SLC2A14: variants seen among roughly 807,000 people sequenced by gnomAD.
SLC2A14 encodes solute carrier family 2, facilitated glucose transporter member 14.
SLC2A14 carries 13 observed loss-of-function variants against 43.0 expected under a neutral mutation model. The observed-to-expected ratio is 0.30, with a 90% CI of 0.20 to 0.48. The LOEUF (loss-of-function observed/expected upper bound fraction) is 0.48. SLC2A14 is among the 20% of genes least tolerant of loss of function. The pLI is 0.99. For missense variants in SLC2A14, 428 were observed against 620.4 expected, an observed-to-expected ratio of 0.69 and a Z score of 3.29; for synonymous variants, 190 against 233.8, an observed-to-expected ratio of 0.81 and a Z score of 1.71.
At chr12:7,839,367 C>T (rs1439643406) in intron 2 of SLC2A14, among the ~76,000 whole-genome samples, 15 of 151,484 alleles carry the variant, frequency 9.9e-5, no homozygotes, top group Admixed American at 5.3e-4. Context: ...AAGGAGGACT[C>T]GTGCTTGGCA....
chr12:7,837,143 G>C (rs749914412), intron 2 of SLC2A14, among the ~76,000 whole-genome samples: 2 of 151,446 alleles, frequency 1.3e-5, no homozygotes, highest in Non-Finnish European at 2.9e-5. Context: ...CTCCACCCTG[G>C]GTGACAGAGT....
chr12:7,840,216 C>T (rs1865839492), intron 2 of SLC2A14, among the ~76,000 whole-genome samples: 2 of 128,800 alleles, frequency 1.6e-5, no homozygotes, highest in Non-Finnish European at 3.1e-5. Context: ...TGTGAGGACA[C>T]ATCACTCGTC....
rs117702330 is a variant in SLC2A14 at position 7,828,822 on chromosome 12, C to A, written c.558G>T (p.Pro186=). 4,287 of 1,614,106 alleles carry A rather than the reference C, an allele frequency of 2.7e-3. 155 individuals are homozygous for A. In the East Asian group the frequency reaches 0.081, roughly 30 times the overall value. ...ELILGSEELW[P]VLLGFTILPA... is the part of the protein sequence containing the mutation. ...GAAGGATGGTAAAGCCTAATAGCAC[C>A]GGCCATAGCTCTTCAGACCCAAGGA... The change falls in exon 6 of 11, where the codon CCG becomes CCT. Residue 186 remains proline, a synonymous_variant. Transcript: ENST00000431042.
chr12:7,881,328 A>G (rs1945566854), intron 1 of SLC2A14, among the ~76,000 whole-genome samples: 1 of 151,972 alleles, frequency 6.6e-6, no homozygotes, highest in South Asian at 2.1e-4. Flanking sequence ...GCGGGCCAGC[A>G]CGAGTTCCGG....
At chr12:7,839,496 GT>G (rs1865745641) in intron 2 of SLC2A14, among the ~76,000 whole-genome samples, 1 of 152,140 alleles carries the variant, frequency 6.6e-6, no homozygotes, top group Non-Finnish European at 1.5e-5. Flanking sequence ...AGTCATGAAC[GT>G]TCTGGTTTAT....
At chr12:7,841,337 T>C (rs761971111) in intron 2 of SLC2A14, among the ~76,000 whole-genome samples, 5 of 152,282 alleles carry the variant, frequency 3.3e-5, no homozygotes, top group Admixed American at 2.0e-4. Flanking sequence ...CTCGGCTCAC[T>C]GCAACCTCCA....
chr12:7,862,789 A>C (rs1317784867), intron 2 of SLC2A14, among the ~76,000 whole-genome samples: 1 of 152,134 alleles, frequency 6.6e-6, no homozygotes, highest in Non-Finnish European at 1.5e-5. Flanking sequence ...TGAGTGCACC[A>C]ATTGACACTC....
intron 2 of SLC2A14, among the ~76,000 whole-genome samples, chr12:7,844,163 C>A (rs892319879): frequency 6.6e-6 from 1 of 152,144 alleles, no homozygotes; most frequent in African/African-American, 2.4e-5. Context: ...CTATAGCCTC[C>A]TTCTCCAGAA....
At chr12:7,834,198 TC>T (rs1388686473) in intron 2 of SLC2A14, among the ~76,000 whole-genome samples, 1 of 151,828 alleles carries the variant, frequency 6.6e-6, no homozygotes, top group Non-Finnish European at 1.5e-5. Context: ...CTTTTTTTTT[TC>T]ATTAGTCTCA....
chr12:7,829,747 A>G lies in SLC2A14; in HGVS notation c.513+19T>C, dbSNP rs1864839072. On this transcript the variant is annotated intron_variant, in intron 5 of 10. Coordinates refer to ENST00000431042, the MANE Select transcript of SLC2A14 (RefSeq NM_001286234.2). Reference sequence around the variant, plus strand: ...CCCATGAAACTAACACTCATTAAGTATGAGAAGTTCTAGAGTACCTGGGCC... The same window carrying G: ...CCCATGAAACTAACACTCATTAAGTGTGAGAAGTTCTAGAGTACCTGGGCC... 1.2e-6 allele frequency: 2 copies of G among 1,613,796 alleles called. No homozygotes were observed. Among genetic ancestry groups the G allele is most frequent in the Non-Finnish European group, 1.7e-6 (2 of 1,179,848 alleles).
chr12:7,819,354 C>T, intron 9 of SLC2A14, 128 bp downstream of exon 9: 8 of 1,512,540 alleles, frequency 5.3e-6, no homozygotes, highest in Non-Finnish European at 7.1e-6. Flanking sequence ...AAACTCTGGG[C>T]ATCTTGCTTC....
chr12:7,886,151 C>CTTTTTGTTTTTTTTTTT (rs1945685053), intron 1 of SLC2A14, among the ~76,000 whole-genome samples: 1 of 44,696 alleles, frequency 2.2e-5, no homozygotes, highest in Non-Finnish European at 3.9e-5. Context: ...GCCCGGACAG[C>CTTTTTGTTTTTTTTTTT]TTTTTTTTTT....
intron 1 of SLC2A14, among the ~76,000 whole-genome samples, chr12:7,889,499 C>T (rs894898401): frequency 1.3e-5 from 2 of 150,944 alleles, no homozygotes; most frequent in African/African-American, 4.9e-5. Context: ...TCCCAAAGTG[C>T]TGGGATTACA....
At chr12:7,857,679 C>G (rs563624506) in intron 2 of SLC2A14, among the ~76,000 whole-genome samples, 4 of 152,038 alleles carry the variant, frequency 2.6e-5, no homozygotes, top group Non-Finnish European at 5.9e-5. Context: ...AGAACAGTAC[C>G]CTATATCTGC....
At chr12:7,841,891 A>G (rs894019175) in intron 2 of SLC2A14, among the ~76,000 whole-genome samples, 79 of 151,830 alleles carry the variant, frequency 5.2e-4, no homozygotes, top group Non-Finnish European at 7.4e-4. Context: ...TGTAATCCCA[A>G]TTACTCAGGA....
intron 2 of SLC2A14, among the ~76,000 whole-genome samples, chr12:7,867,065 G>A (rs1944952182): frequency 6.6e-6 from 1 of 151,682 alleles, no homozygotes; most frequent in Admixed American, 6.6e-5. Context: ...GGATCACAAG[G>A]TCAGGAGATT....
chr12:7,879,914 G>A (rs1592329909), intron 1 of SLC2A14, among the ~76,000 whole-genome samples: 1 of 151,902 alleles, frequency 6.6e-6, no homozygotes, highest in South Asian at 2.1e-4. Flanking sequence ...CCAGAGACAG[G>A]AGAATCATTT....
intron 6 of SLC2A14, among the ~76,000 whole-genome samples, chr12:7,828,301 G>A (rs1383704661): frequency 6.6e-6 from 1 of 151,892 alleles, no homozygotes; most frequent in Non-Finnish European, 1.5e-5. Flanking sequence ...GGAGGCAGAG[G>A]TTGCAGTGAA....
At chr12:7,876,659 A>G (rs1203190110), upstream of SLC2A14, among the ~76,000 whole-genome samples, 1 of 152,278 alleles carries the variant, frequency 6.6e-6, no homozygotes, top group South Asian at 2.1e-4. Flanking sequence ...TCATTGCAGC[A>G]TTATTCACAA....
Sources: gnomAD v4.1 joint callset for allele counts (sites outside exome capture counted in the v4.1 genomes callset) on GRCh38, gnomAD v4.1.1 for gene constraint, MANE v1.5 for transcripts, NCBI Gene and HGNC (gene_info 2026-07-23, HGNC 2026-07-21) for gene names.